IQCJ: variants seen among roughly 807,000 people sequenced by gnomAD.
IQCJ encodes the protein IQ motif containing J, also known as IQ domain-containing protein J.
IQCJ carries 9 observed loss-of-function variants against 11.0 expected under a neutral mutation model. That is an observed-to-expected ratio of 0.82 (90% CI 0.49 to 1.43). IQCJ has a LOEUF of 1.43. Ranked by LOEUF, IQCJ falls within the 40% of genes most tolerant of loss-of-function variation. The pLI, the probability that IQCJ is intolerant of heterozygous loss-of-function variation, is 0.00. For synonymous variants in IQCJ, 55 were observed against 51.3 expected (o/e 1.07, Z -0.31); for missense variants, 146 against 133.2 (o/e 1.10, Z -0.47).
At chr3:159,182,255 GC>G (rs1196802541) in intron 1 of IQCJ, among the ~76,000 whole-genome samples, 3 of 151,570 alleles carry the variant, frequency 2.0e-5, no homozygotes, top group African/African-American at 7.3e-5. Context: ...TGACAGCTGT[GC>G]CCCAACAGCA....
At chr3:159,185,682 C>T (rs1362575784) in intron 1 of IQCJ, among the ~76,000 whole-genome samples, 1 of 152,178 alleles carries the variant, frequency 6.6e-6, no homozygotes, top group Non-Finnish European at 1.5e-5. Context: ...TGATTATTTG[C>T]AGGAGGCCTC....
chr3:159,184,360 C>A (rs892954508), intron 1 of IQCJ, among the ~76,000 whole-genome samples: 1 of 152,138 alleles, frequency 6.6e-6, no homozygotes, highest in Non-Finnish European at 1.5e-5. Context: ...CTCAGAAAAG[C>A]CTTCTCTGAT....
chr3:159,251,509 A>G (rs1023779820), intron 2 of IQCJ, among the ~76,000 whole-genome samples: 6 of 151,944 alleles, frequency 3.9e-5, no homozygotes, highest in Admixed American at 2.6e-4. Context: ...TGGTTTGTTA[A>G]ATAAATTTGG....
At chr3:159,071,198 A>G (rs965366422) in intron 1 of IQCJ, among the ~76,000 whole-genome samples, 2 of 152,044 alleles carry the variant, frequency 1.3e-5, no homozygotes, top group Non-Finnish European at 2.9e-5. Flanking sequence ...TCAATTTATA[A>G]TTAAAGTATA....
intron 1 of IQCJ, among the ~76,000 whole-genome samples, chr3:159,173,538 G>A (rs979651576): frequency 6.6e-6 from 1 of 152,118 alleles, no homozygotes; most frequent in African/African-American, 2.4e-5. Context: ...TCTTGCCAAA[G>A]ATATCTGTGG....
chr3:159,211,445 A>G (rs1724944843), intron 1 of IQCJ, among the ~76,000 whole-genome samples: 2 of 152,244 alleles, frequency 1.3e-5, no homozygotes, highest in African/African-American at 2.4e-5. Flanking sequence ...TGTCATCATT[A>G]ATAAAACTTC....
At chr3:159,236,075 T>G (rs892024960) in intron 1 of IQCJ, among the ~76,000 whole-genome samples, 1 of 152,140 alleles carries the variant, frequency 6.6e-6, no homozygotes, top group Non-Finnish European at 1.5e-5. Flanking sequence ...TACTACCTCA[T>G]GTATGCTTCA....
At chr3:159,083,717 T>C (rs1716492768) in intron 1 of IQCJ, among the ~76,000 whole-genome samples, 1 of 152,142 alleles carries the variant, frequency 6.6e-6, no homozygotes, top group African/African-American at 2.4e-5. Context: ...CCAGTATACT[T>C]TAATGTGTGA....
chr3:159,249,682 C>G (rs1577114257), intron 2 of IQCJ, among the ~76,000 whole-genome samples: 2 of 152,348 alleles, frequency 1.3e-5, no homozygotes, highest in East Asian at 3.9e-4. Flanking sequence ...ATAGCTGCAG[C>G]TGACTTAGGT....
chr3:159,155,008 T>C (rs1252136748), intron 1 of IQCJ, among the ~76,000 whole-genome samples: 1 of 152,124 alleles, frequency 6.6e-6, no homozygotes, highest in African/African-American at 2.4e-5. Context: ...CATCCCCATT[T>C]CTATCTTTCT....
At chr3:159,231,258 C>A (rs1312920711) in intron 1 of IQCJ, among the ~76,000 whole-genome samples, 1 of 152,188 alleles carries the variant, frequency 6.6e-6, no homozygotes, top group Admixed American at 6.5e-5. Flanking sequence ...TGAAAGCTTA[C>A]ATCAAATGAG....
At chr3:159,196,423 A>G (rs1337062079) in intron 1 of IQCJ, among the ~76,000 whole-genome samples, 1 of 152,182 alleles carries the variant, frequency 6.6e-6, no homozygotes, top group East Asian at 1.9e-4. Context: ...TTGCCTGGGT[A>G]CCTTTTAAAA....
At position 159,262,621 on chromosome 3, in the gene IQCJ, G is replaced by C; in HGVS notation, c.229G>C (p.Val77Leu). 6.2e-7 allele frequency: 1 copy of C among 1,613,976 alleles called. No homozygotes were observed. Among genetic ancestry groups the C allele is most frequent in the Non-Finnish European group, 8.5e-7 (1 of 1,179,874 alleles). The stretch of plus-strand genomic sequence containing the variant: ...GAAGAGGAGCCCGTCCCCACCCTCT[G>C]TCTCCTCAGAGAAGCTGAGCAGCTC... ...LGKRSPSPPS[V>L]SSEKLSSSVS... The change falls in exon 4 of 4, where the codon GTC (valine) becomes CTC (leucine). Residue 77 changes from valine to leucine, a missense_variant. Transcript: ENST00000397832.
intron 1 of IQCJ, among the ~76,000 whole-genome samples, chr3:159,182,847 G>A (rs1723179850): frequency 6.6e-6 from 1 of 151,476 alleles, no homozygotes; most frequent in African/African-American, 2.4e-5. Flanking sequence ...ATTAGGTCAG[G>A]GGTCAATCTT....
intron 3 of IQCJ, among the ~76,000 whole-genome samples, chr3:159,261,542 C>G (rs767703521): frequency 6.6e-6 from 1 of 152,194 alleles, no homozygotes; most frequent in Non-Finnish European, 1.5e-5. Flanking sequence ...AGGTCTGGTG[C>G]TTTTACATGG....
rs141056439 is a variant in IQCJ, at chr3:159,205,866, C to A, written c.10-39977C>A. On this transcript the variant is annotated intron_variant, in intron 1 of 3. Transcript: ENST00000397832. Reference sequence around the variant, plus strand: ...AAAATGCTTCAAGTTTCTTTTCCTTCTCCATCTGCTTCTCCTGTTTCTGTT... The same window carrying A: ...AAAATGCTTCAAGTTTCTTTTCCTTATCCATCTGCTTCTCCTGTTTCTGTT... Among the ~76,000 whole-genome samples the A allele has an allele frequency of 7.3e-3, 1,115 of 152,318 alleles. 11 individuals are homozygous for A. The highest frequency in any genetic ancestry group is 0.026 in the African/African-American group (1,067 of 41,560).
rs1049250599 is a variant in IQCJ at position 159,160,987 on chromosome 3, A to G, written c.10-84856A>G. Among the ~76,000 whole-genome samples, 89 of 152,130 alleles carry G rather than the reference A, an allele frequency of 5.9e-4. 1 individual carries two copies. Among genetic ancestry groups the G allele is most frequent in the Non-Finnish European group, 1.2e-4 (8 of 68,022 alleles). Reference sequence around the variant, plus strand: ...TGCTATTATGAATAATGCCGCAATAAACATACGTGTGCATGTGTCTTTATA... The same window carrying G: ...TGCTATTATGAATAATGCCGCAATAGACATACGTGTGCATGTGTCTTTATA... On this transcript the variant is annotated intron_variant, in intron 1 of 3. Coordinates refer to ENST00000397832, the MANE Select transcript of IQCJ (RefSeq NM_001042706.3).
chr3:159,205,434 A>C (rs1314322120), intron 1 of IQCJ, among the ~76,000 whole-genome samples: 1 of 152,130 alleles, frequency 6.6e-6, no homozygotes, highest in Non-Finnish European at 1.5e-5. Context: ...CAATGTTCAG[A>C]GTTTTTATTG....
intron 1 of IQCJ, among the ~76,000 whole-genome samples, chr3:159,091,500 C>T (rs1294553679): frequency 1.3e-5 from 2 of 151,660 alleles, no homozygotes; most frequent in Admixed American, 6.6e-5. Context: ...GACCCAATCA[C>T]CTCCCAAAGA....
Sources: allele counts gnomAD v4.1 joint callset (sites outside exome capture counted in the v4.1 genomes callset), GRCh38; gene constraint gnomAD v4.1.1; transcripts MANE v1.5; gene names NCBI Gene and HGNC (gene_info 2026-07-23, HGNC 2026-07-21).